The following WWC1 variants were observed in gnomAD, a reference collection of about 807,000 sequenced individuals.
WWC1 encodes protein KIBRA.
In WWC1, 55 loss-of-function variants were observed where a neutral mutation model predicts 138.4. That is an observed-to-expected ratio of 0.40 (90% CI 0.32 to 0.50). WWC1 has a LOEUF of 0.50. WWC1 is among the 20% of genes least tolerant of loss of function. The probability of loss-of-function intolerance (pLI) is 0.72; values close to 1 mark genes in which losing one functional copy is unlikely to be tolerated. For synonymous variants in WWC1, 524 were observed against 564.9 expected (o/e 0.93, Z 1.03); for missense variants, 1,226 against 1,420.4 (o/e 0.86, Z 2.20).
At chr5:168,388,125 A>G (rs1778183930) in intron 3 of WWC1, among the ~76,000 whole-genome samples, 1 of 152,186 alleles carries the variant, frequency 6.6e-6, no homozygotes, top group South Asian at 2.1e-4. Flanking sequence ...TAGTGGTAAA[A>G]TTAGCATGAC....
At chr5:168,319,423 A>C (rs1237057270) in intron 1 of WWC1, among the ~76,000 whole-genome samples, 5 of 152,084 alleles carry the variant, frequency 3.3e-5, no homozygotes, top group Non-Finnish European at 7.3e-5. Context: ...CTCAAAAATA[A>C]ATAAATAAAT....
intron 1 of WWC1, among the ~76,000 whole-genome samples, chr5:168,302,801 A>G (rs1282175185): frequency 6.6e-6 from 1 of 152,204 alleles, no homozygotes; most frequent in Non-Finnish European, 1.5e-5. Context: ...TACCTGTAAT[A>G]TGCCAGGCAT....
intron 21 of WWC1, among the ~76,000 whole-genome samples, 197 bp downstream of exon 21, chr5:168,465,159 A>C (rs1197962627): frequency 1.3e-5 from 2 of 152,194 alleles, no homozygotes; most frequent in African/African-American, 4.8e-5. Flanking sequence ...CAACTTTATG[A>C]ACCTTTCACC....
At position 168,430,171 on chromosome 5, in the gene WWC1, A is replaced by G. The variant is rs149629970; in HGVS notation, c.2035A>G (p.Ile679Val). ...GAAGAATAAGCAATTTGCAATATTA[A>G]TCATCCAGCTGAGTAACCTTTCTGC... is the stretch of plus-strand genomic sequence containing the variant. ...DEKNKQFAIL[I>V]IQLSNLSALL... Residue 679 changes from isoleucine to valine, a missense_variant, in exon 14 of 23, where the codon ATC becomes GTC. This residue lies in a region of WWC1 where 1,016 missense variants were observed against 1,153.9 expected (regional missense o/e 0.88). Coordinates refer to ENST00000265293, the MANE Select transcript of WWC1 (RefSeq NM_015238.3). The G allele has an allele frequency of 6.2e-7, 1 of 1,614,164 alleles. No individual in the cohort carries two copies. Among genetic ancestry groups the G allele is most frequent in the South Asian group, 1.1e-5 (1 of 91,042 alleles).
At chr5:168,422,660 T>C (rs529953326) in intron 10 of WWC1, among the ~76,000 whole-genome samples, 8 of 152,026 alleles carry the variant, frequency 5.3e-5, no homozygotes, top group Admixed American at 2.0e-4. Flanking sequence ...GCCACCTACC[T>C]GCACAACACA....
chr5:168,312,165 C>T (rs1771156825), intron 1 of WWC1, among the ~76,000 whole-genome samples: 1 of 151,654 alleles, frequency 6.6e-6, no homozygotes. Context: ...TTACAGTGAC[C>T]GAGATTGCAC....
intron 21 of WWC1, among the ~76,000 whole-genome samples, chr5:168,467,130 C>A (rs10036266): frequency 1.3e-5 from 2 of 152,100 alleles, no homozygotes; most frequent in Non-Finnish European, 2.9e-5. Flanking sequence ...TGGTGGCGGG[C>A]GCCTGTAGTC....
chr5:168,333,419 C>T (rs1197176811), intron 1 of WWC1, among the ~76,000 whole-genome samples: 4 of 152,178 alleles, frequency 2.6e-5, no homozygotes, highest in South Asian at 2.1e-4. Context: ...AATCCTTGAC[C>T]GTCTCTTCAT....
chr5:168,451,839 T>G (rs1488147268), intron 17 of WWC1, among the ~76,000 whole-genome samples: 1 of 151,640 alleles, frequency 6.6e-6, no homozygotes, highest in Non-Finnish European at 1.5e-5. Flanking sequence ...CTAGAACTCT[T>G]AGAACATTGC....
rs35286827 is a variant in WWC1, at chr5:168,312,216, C to CA, written c.119+19958dup. ...TGGGTGACAGAACGAGACGCCGTCT[C>CA]AAAAAAAAAAAAAGGAACAATAACC... is the stretch of plus-strand genomic sequence containing the variant. On this transcript the variant is annotated intron_variant, in intron 1 of 22. Transcript: ENST00000265293. 6.8e-3 allele frequency among the ~76,000 whole-genome samples: 924 copies of CA among 136,592 alleles called. 7 individuals are homozygous for CA. The highest frequency in any genetic ancestry group is 0.021 in the African/African-American group (778 of 36,360). The allele number at this position is 136,592 out of a possible 152,430, so 89.6% of individuals were successfully genotyped here.
chr5:168,358,745 A>T (rs563270347), intron 1 of WWC1, among the ~76,000 whole-genome samples: 1 of 152,072 alleles, frequency 6.6e-6, no homozygotes, highest in African/African-American at 2.4e-5. Context: ...AGTCTACTAA[A>T]TGGTATGTGT....
In WWC1 at chr5:168,455,536, G is replaced by A. The variant is rs1756237462; in HGVS notation, c.2823+16G>A. On this transcript the variant is annotated intron_variant, in intron 19 of 22. Coordinates refer to ENST00000265293, the MANE Select transcript of WWC1 (RefSeq NM_015238.3). Reference sequence around the variant, plus strand: ...CGTGTGCCGGGTAAGTGAGCGTGCGGCCCTCTTCTGCTCCCCTCAGGGTAG... The same window carrying A: ...CGTGTGCCGGGTAAGTGAGCGTGCGACCCTCTTCTGCTCCCCTCAGGGTAG... 1 of 1,610,012 alleles carries A rather than the reference G, an allele frequency of 6.2e-7. No individual in the cohort carries two copies. The highest frequency in any genetic ancestry group is 8.5e-7 in the Non-Finnish European group (1 of 1,178,186).
intron 1 of WWC1, among the ~76,000 whole-genome samples, chr5:168,353,859 C>T (rs1053474436): frequency 2.6e-5 from 4 of 152,264 alleles, no homozygotes; most frequent in Admixed American, 6.5e-5. Flanking sequence ...AATCCTGTGT[C>T]GCCTGTTGTG....
At chr5:168,383,630 G>A (rs995967821) in intron 2 of WWC1, among the ~76,000 whole-genome samples, 1 of 152,166 alleles carries the variant, frequency 6.6e-6, no homozygotes, top group Admixed American at 6.5e-5. Context: ...TGAACCCAAG[G>A]TGGCCAGAAC....
intron 1 of WWC1, among the ~76,000 whole-genome samples, chr5:168,364,407 A>G (rs17070092): frequency 0.016 from 2,437 of 152,110 alleles, 70 homozygotes; most frequent in African/African-American, 0.055. Context: ...GTAGCACCTT[A>G]TTAAATATCC....
intron 1 of WWC1, among the ~76,000 whole-genome samples, chr5:168,364,646 T>G (rs970553353): frequency 6.6e-6 from 1 of 152,090 alleles, no homozygotes; most frequent in Non-Finnish European, 1.5e-5. Flanking sequence ...TGCTTGTTGC[T>G]TGGTGGATTG....
intron 5 of WWC1, 67 bp downstream of exon 5, chr5:168,399,634 T>G: frequency 2.0e-6 from 3 of 1,464,284 alleles, no homozygotes; most frequent in Non-Finnish European, 1.9e-6. Flanking sequence ...CTGTCCTCTC[T>G]GTCTCTCTCT....
intron 1 of WWC1, among the ~76,000 whole-genome samples, chr5:168,302,291 C>T (rs1770158241): frequency 6.6e-6 from 1 of 152,174 alleles, no homozygotes; most frequent in South Asian, 2.1e-4. Context: ...GGGGGTTGGC[C>T]ATTCACTCAG....
At chr5:168,355,878 T>TG (rs1005888339) in intron 1 of WWC1, among the ~76,000 whole-genome samples, 1 of 147,066 alleles carries the variant, frequency 6.8e-6, no homozygotes, top group African/African-American at 2.5e-5. Context: ...TGCTGCAAAG[T>TG]GGGGAGAGAA....
Sources: gnomAD v4.1 joint callset for allele counts (sites outside exome capture counted in the v4.1 genomes callset) on GRCh38, gnomAD v4.1.1 for gene constraint, gnomAD v4.1.1 regional missense constraint, MANE v1.5 for transcripts, NCBI Gene and HGNC (gene_info 2026-07-23, HGNC 2026-07-21) for gene names.